The following LHFPL2 variants were observed in gnomAD, a reference collection of about 807,000 sequenced individuals.
LHFPL2 encodes the protein LHFPL tetraspan subfamily member 2.
A neutral mutation model predicts 17.5 loss-of-function variants in LHFPL2; 7 were observed. The observed-to-expected ratio is 0.40, with a 90% CI of 0.23 to 0.75. The LOEUF (loss-of-function observed/expected upper bound fraction) is 0.75. Ranked by LOEUF, LHFPL2 falls within the 30% of genes least tolerant of loss-of-function variation. The pLI is 0.37. For synonymous variants in LHFPL2, 134 were observed against 116.2 expected (o/e 1.15, Z -0.99); for missense variants, 241 against 294.8 (o/e 0.82, Z 1.34).
intron 2 of LHFPL2, among the ~76,000 whole-genome samples, chr5:78,593,014 T>C (rs1036264535): frequency 6.6e-6 from 1 of 152,200 alleles, no homozygotes; most frequent in Non-Finnish European, 1.5e-5. Flanking sequence ...ATGTGTATTT[T>C]ATCACAATTA....
At chr5:78,519,934 C>G (rs887599263) in intron 3 of LHFPL2, among the ~76,000 whole-genome samples, 6 of 152,212 alleles carry the variant, frequency 3.9e-5, no homozygotes, top group Non-Finnish European at 5.9e-5. Context: ...GGATGTAACA[C>G]AGAGCTGGAA....
chr5:78,638,399 A>G (rs1262074932), intron 1 of LHFPL2, among the ~76,000 whole-genome samples: 1 of 152,198 alleles, frequency 6.6e-6, no homozygotes, highest in Non-Finnish European at 1.5e-5. Flanking sequence ...AACATAAAAA[A>G]GGAGGCAGTA....
At chr5:78,616,423 A>AGCCTAGAGT (rs1744617715) in intron 2 of LHFPL2, among the ~76,000 whole-genome samples, 1 of 152,088 alleles carries the variant, frequency 6.6e-6, no homozygotes, top group East Asian at 1.9e-4. Flanking sequence ...CACCGCGTCC[A>AGCCTAGAGT]TCCTCTTCCC....
At chr5:78,607,120 T>C (rs1016057228) in intron 2 of LHFPL2, among the ~76,000 whole-genome samples, 1 of 152,086 alleles carries the variant, frequency 6.6e-6, no homozygotes, top group South Asian at 2.1e-4. Context: ...TCTTCTTTTT[T>C]TATTTTTCAC....
intron 2 of LHFPL2, chr5:78,625,546 G>A (rs937698751): frequency 3.3e-5 from 5 of 152,078 alleles, no homozygotes; most frequent in African/African-American, 9.7e-5. Flanking sequence ...CAACTTTAAG[G>A]AGCCAGTTTG....
rs1279735116 is a variant in LHFPL2, at chr5:78,647,083, T to C, written c.-350+1416A>G. Among the ~76,000 whole-genome samples, 6 of 152,354 alleles carry C rather than the reference T, an allele frequency of 3.9e-5. No individual in the cohort carries two copies. In the South Asian group the frequency reaches 1.2e-3, roughly 32 times the overall value. On this transcript the variant is annotated intron_variant, in intron 1 of 4. Transcript: ENST00000380345. ...AGAAAAATACTATTATAAGATAGTGTTTTATCTGATATTACTTCAAAATCA... is the reference window on the plus strand; with the variant it reads ...AGAAAAATACTATTATAAGATAGTGCTTTATCTGATATTACTTCAAAATCA...
At chr5:78,509,361 C>T (rs2112320839) in intron 4 of LHFPL2, among the ~76,000 whole-genome samples, 1 of 152,294 alleles carries the variant, frequency 6.6e-6, no homozygotes, top group South Asian at 2.1e-4. Flanking sequence ...TCTTAATGAG[C>T]GCCCCCGCTT....
rs394521 is a variant in LHFPL2 at position 78,575,341 on chromosome 5, G to T, written c.-244-10470C>A. 9.8e-3 allele frequency among the ~76,000 whole-genome samples: 1,489 copies of T among 152,192 alleles called. 10 individuals are homozygous for T. The highest frequency in any genetic ancestry group is 0.014 in the Non-Finnish European group (985 of 67,990). On this transcript the variant is annotated intron_variant, in intron 2 of 4. Transcript: ENST00000380345. ...AGGTGCGTGGATCACAAGGTCAGGAGATCGAGACCATCCTGGCTAATATGG... is the reference window on the plus strand; with the variant it reads ...AGGTGCGTGGATCACAAGGTCAGGATATCGAGACCATCCTGGCTAATATGG...
chr5:78,622,116 C>T (rs1744876377), intron 2 of LHFPL2, among the ~76,000 whole-genome samples: 1 of 152,198 alleles, frequency 6.6e-6, no homozygotes, highest in African/African-American at 2.4e-5. Context: ...GTTTCCAGCA[C>T]CTGTCTGCTA....
intron 2 of LHFPL2, among the ~76,000 whole-genome samples, chr5:78,570,284 T>C (rs1197934091): frequency 6.6e-6 from 1 of 152,124 alleles, no homozygotes; most frequent in Admixed American, 6.5e-5. Context: ...AAAGAAATAC[T>C]GGGTTAACGA....
At chr5:78,590,462 T>C (rs369127594) in intron 2 of LHFPL2, among the ~76,000 whole-genome samples, 2 of 152,212 alleles carry the variant, frequency 1.3e-5, no homozygotes, top group East Asian at 3.8e-4. Flanking sequence ...AACTAATAAA[T>C]ACTATAAGTA....
intron 3 of LHFPL2, among the ~76,000 whole-genome samples, chr5:78,533,503 G>T (rs1755848381): frequency 6.6e-6 from 1 of 152,206 alleles, no homozygotes; most frequent in Admixed American, 6.5e-5. Context: ...TATGGAAAAG[G>T]TAAGTATAAG....
In LHFPL2 at chr5:78,494,915, G is replaced by GA. The variant is rs138867974; in HGVS notation, c.431-5763dup. ...AATGCAAACGTAGGAAACACACCAGGAAAAGCCAAGTCACAGTCCTGATTT... is the reference window on the plus strand; with the variant it reads ...AATGCAAACGTAGGAAACACACCAGGAAAAAGCCAAGTCACAGTCCTGATTT... On this transcript the variant is annotated intron_variant, in intron 4 of 4. Transcript: ENST00000380345. Among the ~76,000 whole-genome samples the GA allele has an allele frequency of 9.1e-3, 1,378 of 152,252 alleles. 15 individuals carry two copies. The highest frequency in any genetic ancestry group is 0.031 in the African/African-American group (1,298 of 41,544).
chr5:78,503,693 C>T (rs1754843012), intron 4 of LHFPL2, among the ~76,000 whole-genome samples: 1 of 136,656 alleles, frequency 7.3e-6, no homozygotes, highest in South Asian at 2.3e-4. Context: ...AGCGAAACTC[C>T]ATCTCAAAAA....
chr5:78,581,733 A>T lies in LHFPL2; in HGVS notation c.-244-16862T>A, dbSNP rs1743150326. Among the ~76,000 whole-genome samples, 3 of 152,158 alleles carry T rather than the reference A, an allele frequency of 2.0e-5. No individual in the cohort carries two copies. The South Asian group carries it at 6.2e-4, about 32-fold the overall frequency. ...ATTTTTGCATCAATGTTCATCAAGG[A>T]TATTGGTCTAAAATTCTCTTTTTTG... On this transcript the variant is annotated intron_variant, in intron 2 of 4. Transcript: ENST00000380345.
At chr5:78,585,896 C>T (rs1406963060) in intron 2 of LHFPL2, among the ~76,000 whole-genome samples, 1 of 152,148 alleles carries the variant, frequency 6.6e-6, no homozygotes, top group Non-Finnish European at 1.5e-5. Context: ...CGAGGTCCTG[C>T]CACTAACAAG....
chr5:78,542,718 T>C (rs148738845), intron 3 of LHFPL2, among the ~76,000 whole-genome samples: 1 of 152,248 alleles, frequency 6.6e-6, no homozygotes, highest in Non-Finnish European at 1.5e-5. Flanking sequence ...TGGGCCACTT[T>C]GATGGTATAG....
At position 78,488,873 on chromosome 5, in the gene LHFPL2, GA is replaced by G; in HGVS notation, c.*23del. The stretch of plus-strand genomic sequence containing the variant: ...CTGTTTCACAAGATTACTCAAGGGA[GA>G]AAATGGCATTGTCTCTTCCAAACTA... On this transcript the variant is annotated 3_prime_UTR_variant, in exon 5 of 5. Transcript: ENST00000380345. 1 of 1,610,996 alleles carries G rather than the reference GA, an allele frequency of 6.2e-7. No individual in the cohort carries two copies.
intron 4 of LHFPL2, among the ~76,000 whole-genome samples, chr5:78,496,902 C>T (rs76493304): frequency 0.034 from 5,232 of 152,274 alleles, 252 homozygotes; most frequent in African/African-American, 0.11. Flanking sequence ...CTATATTCCC[C>T]TCCTGATCAC....
Sources: gnomAD v4.1 joint callset for allele counts (sites outside exome capture counted in the v4.1 genomes callset) on GRCh38, gnomAD v4.1.1 for gene constraint, MANE v1.5 for transcripts, NCBI Gene and HGNC (gene_info 2026-07-23, HGNC 2026-07-21) for gene names.